Variants in AS3MT observed in about 807,000 individuals in gnomAD.
AS3MT encodes the protein arsenite methyltransferase.
AS3MT carries 47 observed loss-of-function variants against 45.3 expected under a neutral mutation model. The ratio of observed to expected loss-of-function variants is 1.04; its 90% confidence interval spans 0.82 to 1.32. The LOEUF (loss-of-function observed/expected upper bound fraction) is 1.32. AS3MT is among the 40% of genes most tolerant of loss of function. The pLI is 0.00. For synonymous variants in AS3MT, 141 were observed against 152.8 expected, an observed-to-expected ratio of 0.92 and a Z score of 0.57; for missense variants, 396 against 451.1, an observed-to-expected ratio of 0.88 and a Z score of 1.11.
In AS3MT at chr10:102,901,092, C is replaced by CAAAAAAAAAAAAAAAAAAAAAAAAAAAAA. The variant is rs370301616; in HGVS notation, c.*411_*412insAAAAAAAAAAAAAAAAAAAAAAAAAAAAA. Reference sequence around the variant, plus strand: ...ACAGAGCAAGACTCTGTCTCAAAAGCAAAAAAAAAAAAAAAAAAAGAAAGA... The same window carrying CAAAAAAAAAAAAAAAAAAAAAAAAAAAAA: ...ACAGAGCAAGACTCTGTCTCAAAAGCAAAAAAAAAAAAAAAAAAAAAAAAAAAAAAAAAAAAAAAAAAAAAAAAGAAAGA... On this transcript the variant is annotated 3_prime_UTR_variant, in exon 11 of 11. Transcript: ENST00000369880. 5.3e-5 allele frequency: 4 copies of CAAAAAAAAAAAAAAAAAAAAAAAAAAAAA among 75,864 alleles called. No homozygotes were observed. The highest frequency in any genetic ancestry group is 7.3e-5 in the Non-Finnish European group (3 of 41,166). The allele number at this position is 75,864 out of a possible 1,614,324, so 4.7% of individuals were successfully genotyped here.
At chr10:102,894,186 G>A (rs1303115708) in intron 10 of AS3MT, among the ~76,000 whole-genome samples, 1 of 151,976 alleles carries the variant, frequency 6.6e-6, no homozygotes, top group Non-Finnish European at 1.5e-5. Flanking sequence ...AGCACTTTGG[G>A]AGGCCGAGGC....
chr10:102,878,998 A>G lies in AS3MT; in HGVS notation c.885+7A>G. 1.2e-6 allele frequency: 2 copies of G among 1,609,240 alleles called. No homozygotes were observed. The highest frequency in any genetic ancestry group is 1.7e-6 in the Non-Finnish European group (2 of 1,177,620). The stretch of plus-strand genomic sequence containing the variant: ...TGCCAATTTTACATTTAAGGTAAAT[A>G]AAACAATTTCCATGACTTCTGGTAT... On this transcript the variant is annotated splice_region_variant and intron_variant, in intron 9 of 10. Coordinates refer to ENST00000369880, the MANE Select transcript of AS3MT (RefSeq NM_020682.4).
chr10:102,878,977 A>G lies in AS3MT; in HGVS notation c.871A>G (p.Asn291Asp). Residue 291 changes from asparagine to aspartate, a missense_variant, in exon 9 of 11, where the codon AAT becomes GAT. Physicochemically the swap from Asn to Asp is conservative, Grantham distance 23. Coordinates refer to ENST00000369880, the MANE Select transcript of AS3MT (RefSeq NM_020682.4). ...TGAAAAAGAACTAATGTTTGATGCC[A>G]ATTTTACATTTAAGGTAAATAAAAC... Reference protein sequence around the residue: ...GHEKELMFDANFTFKEGEIVE... With the variant: ...GHEKELMFDADFTFKEGEIVE... The G allele has an allele frequency of 6.2e-7, 1 of 1,611,674 alleles. No individual in the cohort carries two copies. The highest frequency in any genetic ancestry group is 1.1e-5 in the South Asian group (1 of 90,432).
chr10:102,878,296 T>TTATA, intron 7 of AS3MT, 83 bp from the exon 8 acceptor site: 1 of 1,527,332 alleles, frequency 6.5e-7, no homozygotes. Context: ...CATGTCCTAA[T>TTATA]TAATTATATA....
intron 7 of AS3MT, 130 bp downstream of exon 7, chr10:102,877,165 T>C: frequency 1.3e-6 from 1 of 792,704 alleles, no homozygotes; most frequent in South Asian, 1.8e-5. Context: ...GGTTCCATTC[T>C]TCCTCTGCCA....
At position 102,873,137 on chromosome 10, in the gene AS3MT, AAT is replaced by A. The variant is rs779496947; in HGVS notation, c.365_366del (p.Tyr122TrpfsTer6). On this transcript the variant is annotated frameshift_variant, in exon 5 of 11. Transcript: ENST00000369880. LOFTEE classifies it high-confidence loss of function. The stretch of plus-strand genomic sequence containing the variant: ...AAGTATCTTGACTATCACATGGAAA[AAT>A]ATGGCTTCCAGGCATCTAATGTGAC... The A allele has an allele frequency of 6.2e-6, 10 of 1,606,740 alleles. No homozygotes were observed. Among genetic ancestry groups the A allele is most frequent in the Middle Eastern group, 1.7e-4 (1 of 6,060 alleles).
rs1204594557 is a variant in AS3MT at position 102,881,086 on chromosome 10, T to G, written c.885+2095T>G. ...CATGTATTCTGCTTTATGATGTTTA[T>G]CTGAATAATCTGGACAAATTCTCAT... is the stretch of plus-strand genomic sequence containing the variant. On this transcript the variant is annotated intron_variant, in intron 9 of 10. Coordinates refer to ENST00000369880, the MANE Select transcript of AS3MT (RefSeq NM_020682.4). This position sits in a 1 kb window ranked among gnomAD's most constrained non-coding sequence, Gnocchi z 4.2. Among the ~76,000 whole-genome samples the G allele has an allele frequency of 6.6e-6, 1 of 152,248 alleles. No individual in the cohort carries two copies. Among genetic ancestry groups the G allele is most frequent in the East Asian group, 1.9e-4 (1 of 5,200 alleles).
intron 3 of AS3MT, 72 bp downstream of exon 3, chr10:102,870,283 C>T: frequency 1.3e-6 from 2 of 1,576,070 alleles, no homozygotes; most frequent in Non-Finnish European, 1.7e-6. Flanking sequence ...ATGCAGGTCA[C>T]TAGGGAATTA....
Position 102,878,857 on chromosome 10 carries a change from C to T in AS3MT, c.751C>T (p.Arg251Cys), listed in dbSNP as rs748589961. Residue 251 changes from arginine (R) to cysteine (C), a missense_variant, in exon 9 of 11, where the codon CGT becomes TGT. By Grantham distance (180) the Arg-to-Cys change is radical. Coordinates refer to ENST00000369880, the MANE Select transcript of AS3MT (RefSeq NM_020682.4). ...ATAAATTCTATTTTTAGGTGACTGTCGTTTTGTTTCTGCAACATTTCGCCT... is the reference window on the plus strand; with the variant it reads ...ATAAATTCTATTTTTAGGTGACTGTTGTTTTGTTTCTGCAACATTTCGCCT... ...KELERVIGDC[R>C]FVSATFRLFK... 5.0e-6 allele frequency: 8 copies of T among 1,611,424 alleles called. No individual in the cohort carries two copies. Among genetic ancestry groups the T allele is most frequent in the African/African-American group, 4.0e-5 (3 of 74,758 alleles).
intron 9 of AS3MT, chr10:102,888,192 C>A: frequency 6.6e-6 from 1 of 152,548 alleles, no homozygotes. Context: ...TTTTTTGCCT[C>A]TCTTTGCCAC....
intron 4 of AS3MT, 27 bp downstream of exon 4, chr10:102,872,625 G>C: frequency 6.4e-7 from 1 of 1,569,190 alleles, no homozygotes; most frequent in Non-Finnish European, 8.6e-7. Flanking sequence ...AAGACAAGGA[G>C]AAAAAGATTC....
At position 102,890,670 on chromosome 10, in the gene AS3MT, G is replaced by A; in HGVS notation, c.1012G>A (p.Glu338Lys). 1 of 1,608,146 alleles carries A rather than the reference G, an allele frequency of 6.2e-7. No individual in the cohort carries two copies. Among genetic ancestry groups the A allele is most frequent in the Non-Finnish European group, 8.5e-7 (1 of 1,178,460 alleles). ...LPTSGGCSALELKDIITDPFK... is the reference protein window; with the variant it reads ...LPTSGGCSALKLKDIITDPFK... ...AACATCTGGAGGCTGTTCTGCTTTG[G>A]AGTTAAAGGTTAGTTTGGCTTTCAC... Residue 338 changes from glutamate (E) to lysine (K), a missense_variant, in exon 10 of 11, where the codon GAG (glutamate) becomes AAG (lysine). By Grantham distance (56) the Glu-to-Lys change is moderately conservative. Coordinates refer to ENST00000369880, the MANE Select transcript of AS3MT (RefSeq NM_020682.4).
chr10:102,884,957 G>A (rs1042092855), intron 9 of AS3MT, among the ~76,000 whole-genome samples: 3 of 151,910 alleles, frequency 2.0e-5, no homozygotes, highest in African/African-American at 7.3e-5. Flanking sequence ...TATATCCATC[G>A]CCTTAAACAT....
intron 10 of AS3MT, among the ~76,000 whole-genome samples, chr10:102,893,058 C>CA (rs34643607): frequency 0.3 from 43,213 of 141,860 alleles, 6,668 homozygotes; most frequent in East Asian, 0.48. Context: ...TGAAAGACCA[C>CA]AAAAAAAAAA....
chr10:102,889,607 T>TCTGTCTGCCTGCCTGCCTGC (rs1845025209), intron 9 of AS3MT, among the ~76,000 whole-genome samples: 3 of 123,588 alleles, frequency 2.4e-5, no homozygotes, highest in Non-Finnish European at 5.1e-5. Flanking sequence ...CCCCTGCCTG[T>TCTGTCTGCCTGCCTGCCTGC]CTGCCTGCCT....
At chr10:102,871,339 G>A (rs373159797) in intron 3 of AS3MT, among the ~76,000 whole-genome samples, 361 of 152,090 alleles carry the variant, frequency 2.4e-3, no homozygotes, top group African/African-American at 7.7e-3. Flanking sequence ...GAGGCCAGGA[G>A]ATCGAGACCA....
chr10:102,872,491 T>G lies in AS3MT; in HGVS notation c.214T>G (p.Cys72Gly). The change falls in exon 4 of 11, where the codon TGC becomes GGC. Residue 72 changes from cysteine to glycine, a missense_variant. Physicochemically the swap from Cys to Gly is radical, Grantham distance 159 (BLOSUM62 -3). Transcript: ENST00000369880. ...GGTGATCCCTGAGCATCTAGAAAAC[T>G]GCTGGATTTTGGATCTGGGTAGTGG... Reference protein sequence around the residue: ...GLVIPEHLENCWILDLGSGSG... With the variant: ...GLVIPEHLENGWILDLGSGSG... 1 of 1,614,144 alleles carries G rather than the reference T, an allele frequency of 6.2e-7. No homozygotes were observed. Among genetic ancestry groups the G allele is most frequent in the Non-Finnish European group, 8.5e-7 (1 of 1,180,024 alleles).
chr10:102,877,748 C>CT (rs751685577), intron 7 of AS3MT, among the ~76,000 whole-genome samples: 11,527 of 105,040 alleles, frequency 0.11, 1,002 homozygotes, highest in Non-Finnish European at 0.14. Context: ...GTGATAACTT[C>CT]TTTTTTTTTT....
intron 10 of AS3MT, among the ~76,000 whole-genome samples, 176 bp from the exon 11 acceptor site, chr10:102,900,417 T>A (rs1486187689): frequency 6.6e-6 from 1 of 152,228 alleles, no homozygotes. Context: ...ATTAGAAGCT[T>A]CAGGAAGCAA....
Sources: allele counts gnomAD v4.1 joint callset (sites outside exome capture counted in the v4.1 genomes callset), GRCh38; gene constraint gnomAD v4.1.1; non-coding constraint Gnocchi (gnomAD v3.1); transcripts MANE v1.5; gene names NCBI Gene and HGNC (gene_info 2026-07-23, HGNC 2026-07-21).